Variants in VASH2 observed in about 807,000 individuals in gnomAD.
VASH2 encodes the protein vasohibin 2, also known as tubulinyl-Tyr carboxypeptidase 2.
Under a neutral mutation model 37.2 loss-of-function variants are expected in VASH2, and 28 were observed. The ratio of observed to expected loss-of-function variants is 0.75; its 90% CI spans 0.56 to 1.03. The LOEUF is 1.03. Among genes scored for constraint, VASH2 ranks in the 50% least tolerant of loss-of-function variants. The pLI is 0.00. For synonymous variants in VASH2, 188 were observed against 174.7 expected, an observed-to-expected ratio of 1.08 and a Z score of -0.60; for missense variants, 419 against 459.1, an observed-to-expected ratio of 0.91 and a Z score of 0.80.
chr1:212,970,143 G>T (rs745583019), intron 5 of VASH2, among the ~76,000 whole-genome samples: 1 of 152,176 alleles, frequency 6.6e-6, no homozygotes, highest in Non-Finnish European at 1.5e-5. Flanking sequence ...AGCCCCAGGA[G>T]GCTGGATGCC....
At chr1:212,954,976 G>C (rs1666438971) in intron 2 of VASH2, among the ~76,000 whole-genome samples, 1 of 152,124 alleles carries the variant, frequency 6.6e-6, no homozygotes, top group South Asian at 2.1e-4. Context: ...CTTAACATGG[G>C]AAGAGCCTCA....
intron 7 of VASH2, among the ~76,000 whole-genome samples, 186 bp downstream of exon 7, chr1:212,974,256 C>T (rs917998075): frequency 1.3e-5 from 2 of 152,166 alleles, no homozygotes; most frequent in African/African-American, 4.8e-5. Flanking sequence ...CACCCCATTG[C>T]CACTTCTCTG....
chr1:212,959,909 T>G (rs1666620381), intron 2 of VASH2, among the ~76,000 whole-genome samples: 1 of 152,200 alleles, frequency 6.6e-6, no homozygotes, highest in Admixed American at 6.5e-5. Flanking sequence ...TTAAGTGGCT[T>G]AGCCTGGAGG....
chr1:212,990,356 A>T lies in VASH2; in HGVS notation c.*1772A>T, dbSNP rs1191428464. The T allele has an allele frequency of 6.6e-6, 1 of 152,222 alleles. No homozygotes were observed. Among genetic ancestry groups the T allele is most frequent in the Non-Finnish European group, 1.5e-5 (1 of 68,026 alleles). The allele number at this position is 152,222 out of a possible 1,614,324, so 9.4% of individuals were successfully genotyped here. A position where few individuals can be genotyped will look rare whatever the true frequency, so the allele number is the denominator to read the frequency against. ...AGTTTAAAATGAGTTAGCTCTGTTT[A>T]TCTACACACAGCAAACCCATTCGCA... is the stretch of plus-strand genomic sequence containing the variant. On this transcript the variant is annotated 3_prime_UTR_variant, in exon 8 of 8. Coordinates refer to ENST00000517399, the MANE Select transcript of VASH2 (RefSeq NM_001301056.2).
chr1:212,966,943 G>A, intron 5 of VASH2: 1 of 434,216 alleles, frequency 2.3e-6, no homozygotes, highest in Non-Finnish European at 4.4e-6. Flanking sequence ...GTTTCACCAT[G>A]TTTCACCAGC....
chr1:212,952,472 C>T (rs1308401876), intron 2 of VASH2: 1 of 152,382 alleles, frequency 6.6e-6, no homozygotes, highest in African/African-American at 2.4e-5. Context: ...TTGGCTGAGA[C>T]TTAAAAGGGA....
At chr1:212,978,264 C>A (rs1667237380) in intron 7 of VASH2, among the ~76,000 whole-genome samples, 2 of 152,184 alleles carry the variant, frequency 1.3e-5, no homozygotes, top group Non-Finnish European at 2.9e-5. Context: ...AAGTGACCAC[C>A]CCTGCGCCTG....
At chr1:212,985,969 T>C (rs1184123396) in intron 7 of VASH2, among the ~76,000 whole-genome samples, 2 of 152,150 alleles carry the variant, frequency 1.3e-5, no homozygotes, top group Non-Finnish European at 2.9e-5. Context: ...AAATCAGGGA[T>C]GGGAGACGGG....
In VASH2 at chr1:212,961,166, C is replaced by A. The variant is rs374073809; in HGVS notation, c.277C>A (p.Pro93Thr). The A allele has an allele frequency of 8.1e-6, 13 of 1,614,130 alleles. No individual in the cohort carries two copies. Among genetic ancestry groups the A allele is most frequent in the Non-Finnish European group, 1.1e-5 (13 of 1,179,988 alleles). Reference sequence around the variant, plus strand: ...CCTCCTCTTCTCTATTTTTCTGCAGCCTTCAATACCCCAGGTCCCAAACTA... The same window carrying A: ...CCTCCTCTTCTCTATTTTTCTGCAGACTTCAATACCCCAGGTCCCAAACTA... ...AIRNAAFLAK[P>T]SIPQVPNYRL... Residue 93 changes from proline to threonine, a missense_variant and splice_region_variant, in exon 3 of 8, where the codon CCT becomes ACT. Coordinates refer to ENST00000517399, the MANE Select transcript of VASH2 (RefSeq NM_001301056.2).
At chr1:212,963,314 A>G (rs568997598) in intron 3 of VASH2, among the ~76,000 whole-genome samples, 37 of 152,308 alleles carry the variant, frequency 2.4e-4, no homozygotes, top group Non-Finnish European at 5.9e-5. Flanking sequence ...GGCTGCGGGG[A>G]CCTGCTCCCA....
rs1392000979 is a variant in VASH2 at position 212,972,768 on chromosome 1, T to C, written c.686T>C (p.Ile229Thr). 5 of 1,614,072 alleles carry C rather than the reference T, an allele frequency of 3.1e-6. No individual in the cohort carries two copies. The Admixed American group carries it at 8.3e-5, about 27-fold the overall frequency. The part of the protein sequence containing the change: ...PLTFRTLSDL[I>T]FDFEDSYKKY... ...ACTTTTCGGACTCTGAGTGACCTCATCTTTGACTTTGAGGACTCTTACAAG... is the reference window on the plus strand; with the variant it reads ...ACTTTTCGGACTCTGAGTGACCTCACCTTTGACTTTGAGGACTCTTACAAG... The change falls in exon 6 of 8, where the codon ATC becomes ACC. Residue 229 changes from isoleucine to threonine, a missense_variant. By Grantham distance (89) the Ile-to-Thr change is moderately conservative. Around this residue, in one of 3 missense-constraint regions of VASH2, gnomAD observed 177 missense variants for 166.2 expected, o/e 1.06. Transcript: ENST00000517399.
intron 2 of VASH2, among the ~76,000 whole-genome samples, chr1:212,958,102 G>A (rs1040572838): frequency 1.3e-5 from 2 of 152,202 alleles, no homozygotes; most frequent in Non-Finnish European, 2.9e-5. Flanking sequence ...GCAGGGCTTT[G>A]GACCTGGTTG....
In VASH2 at chr1:212,971,733, G is replaced by T. The variant is rs1313279893; in HGVS notation, c.498-847G>T. Among the ~76,000 whole-genome samples, 1 of 152,110 alleles carries T rather than the reference G, an allele frequency of 6.6e-6. No homozygotes were observed. Among genetic ancestry groups the T allele is most frequent in the Non-Finnish European group, 1.5e-5 (1 of 68,024 alleles). ...AGAGCAGAGGACAAGGCTGCCGCCAGTGCTGTGGATGGATTCTGTCAGCAT... is the reference window on the plus strand; with the variant it reads ...AGAGCAGAGGACAAGGCTGCCGCCATTGCTGTGGATGGATTCTGTCAGCAT... On this transcript the variant is annotated intron_variant, in intron 5 of 7. Coordinates refer to ENST00000517399, the MANE Select transcript of VASH2 (RefSeq NM_001301056.2). The surrounding 1 kb of genome is among the most constrained non-coding windows in gnomAD (Gnocchi z 4.0).
intron 3 of VASH2, among the ~76,000 whole-genome samples, chr1:212,965,308 G>A (rs920574451): frequency 1.3e-5 from 2 of 152,210 alleles, no homozygotes; most frequent in Non-Finnish European, 2.9e-5. Flanking sequence ...CTACTTGGGA[G>A]GCTGAGGCAG....
Position 212,972,913 on chromosome 1 carries a change from T to C in VASH2, c.831T>C (p.Ala277=). Residue 277 remains alanine, a synonymous_variant, in exon 6 of 8, where the codon GCT becomes GCC. Coordinates refer to ENST00000517399, the MANE Select transcript of VASH2 (RefSeq NM_001301056.2). ...TCAACGTCTCAAAGATGCTGAGGGC[T>C]GACATAAGGAAGGAGCTGGAGAAAT... ...LVLNVSKMLR[A]DIRKELEKYA... is the part of the protein sequence containing the mutation. The C allele has an allele frequency of 6.2e-7, 1 of 1,614,008 alleles. No homozygotes were observed. Among genetic ancestry groups the C allele is most frequent in the Non-Finnish European group, 8.5e-7 (1 of 1,180,020 alleles).
Position 212,968,202 on chromosome 1 carries a change from AT to A in VASH2, c.497+1860del, listed in dbSNP as rs1162884433. On this transcript the variant is annotated intron_variant, in intron 5 of 7. Coordinates refer to ENST00000517399, the MANE Select transcript of VASH2 (RefSeq NM_001301056.2). Reference sequence around the variant, plus strand: ...AGGGGAATCTGCACTGGAAATGCGAATTTAGGAGCTGTGATTAGGAGGTTGT... The same window carrying A: ...AGGGGAATCTGCACTGGAAATGCGAATTAGGAGCTGTGATTAGGAGGTTGT... 42 of 985,442 alleles carry A rather than the reference AT, an allele frequency of 4.3e-5. No individual in the cohort carries two copies. The Middle Eastern group carries it at 1.6e-3, about 37-fold the overall frequency. 61.0% of individuals were successfully genotyped at this position (985,442 alleles called of 1,614,324 possible).
intron 5 of VASH2, chr1:212,967,481 T>A (rs1243434172): frequency 1.7e-6 from 2 of 1,150,174 alleles, no homozygotes; most frequent in Non-Finnish European, 2.2e-6. Flanking sequence ...TGAGAGATGG[T>A]CCCAGGCAAG....
Position 212,989,252 on chromosome 1 carries a change from A to C in VASH2, c.*668A>C, listed in dbSNP as rs1229236538. On this transcript the variant is annotated 3_prime_UTR_variant, in exon 8 of 8. Coordinates refer to ENST00000517399, the MANE Select transcript of VASH2 (RefSeq NM_001301056.2). ...ACAAGAACCATTTTCAGGATCTTGG[A>C]GTTACTTCCTTCTTAATCTTTCTTA... 1 of 152,464 alleles carries C rather than the reference A, an allele frequency of 6.6e-6. No individual in the cohort carries two copies. The highest frequency in any genetic ancestry group is 1.5e-5 in the Non-Finnish European group (1 of 68,060). 9.4% of individuals were successfully genotyped at this position (152,464 alleles called of 1,614,324 possible).
In VASH2 at chr1:212,974,087, C is replaced by A; in HGVS notation, c.995+17C>A. 1 of 1,602,014 alleles carries A rather than the reference C, an allele frequency of 6.2e-7. No homozygotes were observed. Among genetic ancestry groups the A allele is most frequent in the Non-Finnish European group, 8.5e-7 (1 of 1,172,758 alleles). On this transcript the variant is annotated intron_variant, in intron 7 of 7. Coordinates refer to ENST00000517399, the MANE Select transcript of VASH2 (RefSeq NM_001301056.2). Reference sequence around the variant, plus strand: ...AGAGAAGTCGTGAGTAATATTTCCTCTTCCCCAACTCAAAGCCCAACACAC... The same window carrying A: ...AGAGAAGTCGTGAGTAATATTTCCTATTCCCCAACTCAAAGCCCAACACAC...
Sources: gnomAD v4.1 joint callset for allele counts (sites outside exome capture counted in the v4.1 genomes callset) on GRCh38, gnomAD v4.1.1 for gene constraint, gnomAD v4.1.1 regional missense constraint, Gnocchi (gnomAD v3.1) non-coding constraint, MANE v1.5 for transcripts, NCBI Gene and HGNC (gene_info 2026-07-23, HGNC 2026-07-21) for gene names.